FAM186B: variants seen among roughly 807,000 people sequenced by gnomAD.
FAM186B encodes family with sequence similarity 186 member B.
In FAM186B, 68 loss-of-function variants were observed where a neutral mutation model predicts 83.4. The ratio of observed to expected loss-of-function variants is 0.81; its 90% CI spans 0.67 to 1.00. The LOEUF (loss-of-function observed/expected upper bound fraction) is 1.00. Ranked by LOEUF, FAM186B falls within the 50% of genes least tolerant of loss-of-function variation. The probability of loss-of-function intolerance (pLI) is 0.00; values close to 1 mark genes in which losing one functional copy is unlikely to be tolerated. For synonymous variants in FAM186B, 389 were observed against 422.0 expected, an observed-to-expected ratio of 0.92 and a Z score of 0.96; for missense variants, 983 against 1,099.2, an observed-to-expected ratio of 0.89 and a Z score of 1.49.
chr12:49,617,500 C>T, the FAM186B span, among the ~76,000 whole-genome samples: 4 of 152,106 alleles, frequency 2.6e-5, no homozygotes, highest in Non-Finnish European at 5.9e-5. Flanking sequence ...GCCGAGACCA[C>T]ACCACTGCAC....
At chr12:49,612,284 G>A in the FAM186B span, among the ~76,000 whole-genome samples, 3 of 151,300 alleles carry the variant, frequency 2.0e-5, no homozygotes, top group African/African-American at 7.3e-5. Flanking sequence ...ATAAAGGGTT[G>A]AAGAAAGATC....
chr12:49,587,582 T>C lies in FAM186B; in HGVS notation c.*23A>G. ...CGCACCTTACTGGGCCTTCAGGAAG[T>C]TCAGGCTTTTGTGGCAGGAGGACTA... is the stretch of plus-strand genomic sequence containing the variant. On this transcript the variant is annotated 3_prime_UTR_variant, in exon 7 of 7. Transcript: ENST00000257894. The C allele has an allele frequency of 1.2e-6, 2 of 1,614,020 alleles. No individual in the cohort carries two copies. Among genetic ancestry groups the C allele is most frequent in the African/African-American group, 1.3e-5 (1 of 75,002 alleles).
Position 49,600,104 on chromosome 12 carries a change from C to T in FAM186B, c.1536G>A (p.Gln512=). The change falls in exon 4 of 7, where the codon CAG becomes CAA. Residue 512 remains glutamine, a synonymous_variant. Transcript: ENST00000257894. This position sits in a 1 kb window ranked among gnomAD's most constrained non-coding sequence, Gnocchi z 4.3. ...QRQKKWALLE[Q]EHQEKLRQWN... ...ACTGCCGCAGCTTCTCCTGATGCTC[C>T]TGCTCCAGCAGGGCCCACTTCTTCT... 2.5e-6 allele frequency: 4 copies of T among 1,612,292 alleles called. No homozygotes were observed. The highest frequency in any genetic ancestry group is 3.4e-6 in the Non-Finnish European group (4 of 1,179,078).
the FAM186B span, among the ~76,000 whole-genome samples, chr12:49,621,862 T>C: frequency 6.6e-6 from 1 of 152,036 alleles, no homozygotes; most frequent in African/African-American, 2.4e-5. Flanking sequence ...AGGCCGGAGA[T>C]GTGAAGGTAA....
In FAM186B at chr12:49,598,961, A is replaced by G; in HGVS notation, c.2172-14T>C. 1 of 1,612,846 alleles carries G rather than the reference A, an allele frequency of 6.2e-7. No individual in the cohort carries two copies. Among genetic ancestry groups the G allele is most frequent in the Non-Finnish European group, 8.5e-7 (1 of 1,179,360 alleles). Reference sequence around the variant, plus strand: ...ATCGCTTCTTGCCTGGGAAAAGAGGAGAAGCAATTTAGGGGGTGGAGAGGC... The same window carrying G: ...ATCGCTTCTTGCCTGGGAAAAGAGGGGAAGCAATTTAGGGGGTGGAGAGGC... On this transcript the variant is annotated splice_polypyrimidine_tract_variant and intron_variant, in intron 4 of 6. Coordinates refer to ENST00000257894, the MANE Select transcript of FAM186B (RefSeq NM_032130.3).
the FAM186B span, chr12:49,619,623 G>T: frequency 3.9e-6 from 2 of 515,256 alleles, no homozygotes; most frequent in South Asian, 2.0e-5. Context: ...TAGAAGAAAT[G>T]CTATCTTGGT....
upstream of FAM186B, among the ~76,000 whole-genome samples, chr12:49,610,518 T>C (rs1940072877): frequency 6.6e-6 from 1 of 152,084 alleles, no homozygotes; most frequent in African/African-American, 2.4e-5. Flanking sequence ...AGGCTGGGCG[T>C]GGTGGCTCAC....
rs200799283 is a variant in FAM186B at position 49,599,869 on chromosome 12, T to A, written c.1771A>T (p.Arg591Trp). 587 of 1,608,498 alleles carry A rather than the reference T, an allele frequency of 3.6e-4. 1 individual carries two copies. The highest frequency in any genetic ancestry group is 4.8e-4 in the Non-Finnish European group (560 of 1,176,918). The change falls in exon 4 of 7, where the codon AGG becomes TGG. Residue 591 changes from arginine to tryptophan, a missense_variant. By Grantham distance (101) the Arg-to-Trp change is moderately radical. Coordinates refer to ENST00000257894, the MANE Select transcript of FAM186B (RefSeq NM_032130.3). The stretch of plus-strand genomic sequence containing the variant: ...CTAGGAGACATGGGCAAGTGTGGCC[T>A]CCTGCTTTGGTGAGCAGATTGGGTC... ...SRTQSAHQSR[R>W]PHLPMSPSTQ... is the part of the protein sequence containing the mutation.
rs1326942602 is a variant in FAM186B, at chr12:49,599,528, C to T, written c.2112G>A (p.Ala704=). The T allele has an allele frequency of 1.6e-5, 25 of 1,597,922 alleles. No homozygotes were observed. Among genetic ancestry groups the T allele is most frequent in the East Asian group, 4.5e-5 (2 of 44,794 alleles). Residue 704 remains alanine, a synonymous_variant, in exon 4 of 7, where the codon GCG becomes GCA. Coordinates refer to ENST00000257894, the MANE Select transcript of FAM186B (RefSeq NM_032130.3). ...TATGGCACAGGTACTGCAGCCTGAGCGCGCCCAGCTCCATGGTGGTGGTGG... is the reference window on the plus strand; with the variant it reads ...TATGGCACAGGTACTGCAGCCTGAGTGCGCCCAGCTCCATGGTGGTGGTGG... The part of the protein sequence containing the change: ...ELTTTTMELG[A]LRLQYLCHKY...
downstream of FAM186B, among the ~76,000 whole-genome samples, chr12:49,586,050 G>C (rs1939436483): frequency 1.3e-5 from 2 of 152,198 alleles, no homozygotes; most frequent in African/African-American, 4.8e-5. Flanking sequence ...CTGGGATGTG[G>C]GTAAAGAAGA....
intron 2 of FAM186B, 34 bp from the exon 3 acceptor site, chr12:49,603,401 AGTCT>A: frequency 6.2e-7 from 1 of 1,610,618 alleles, no homozygotes; most frequent in Non-Finnish European, 8.5e-7. Context: ...GGCTGAGAGC[AGTCT>A]GTCCTCCAGG....
chr12:49,606,136 C>G (rs929118628), upstream of FAM186B, among the ~76,000 whole-genome samples: 1 of 152,126 alleles, frequency 6.6e-6, no homozygotes, highest in East Asian at 1.9e-4. Context: ...TAAGAAAAAG[C>G]AATTAGCAAA....
chr12:49,605,952 C>T (rs1158393733), upstream of FAM186B, among the ~76,000 whole-genome samples: 4 of 151,414 alleles, frequency 2.6e-5, no homozygotes, highest in Non-Finnish European at 5.9e-5. Context: ...TTAGTAAAGA[C>T]GGGGTTTCAC....
At chr12:49,599,165 G>T (rs1043826578) in intron 4 of FAM186B, among the ~76,000 whole-genome samples, 2 of 152,102 alleles carry the variant, frequency 1.3e-5, no homozygotes, top group African/African-American at 4.8e-5. Flanking sequence ...GGAAAGACAG[G>T]GGAGCACATT....
upstream of FAM186B, among the ~76,000 whole-genome samples, chr12:49,606,285 G>A (rs1177708755): frequency 1.3e-5 from 2 of 152,018 alleles, no homozygotes; most frequent in Non-Finnish European, 2.9e-5. Flanking sequence ...CTTGAGCCCA[G>A]GAGTTTGAGA....
upstream of FAM186B, among the ~76,000 whole-genome samples, chr12:49,610,112 C>A (rs757295729): frequency 6.6e-6 from 1 of 151,548 alleles, no homozygotes; most frequent in Non-Finnish European, 1.5e-5. Context: ...GTCATTACCC[C>A]CTAGGCAGGG....
At chr12:49,621,033 C>CA in the FAM186B span, among the ~76,000 whole-genome samples, 1 of 151,306 alleles carries the variant, frequency 6.6e-6, no homozygotes, top group African/African-American at 2.4e-5. Context: ...GTGACCATGT[C>CA]AAAAAAATAA....
the FAM186B span, among the ~76,000 whole-genome samples, chr12:49,615,164 T>TAC: frequency 2.0e-5 from 3 of 151,934 alleles, no homozygotes; most frequent in Non-Finnish European, 2.9e-5. Flanking sequence ...GGGTACAGTG[T>TAC]ACACTGCTCA....
At position 49,599,708 on chromosome 12, in the gene FAM186B, C is replaced by T. The variant is rs1211532254; in HGVS notation, c.1932G>A (p.Arg644=). ...SFPVTGTSIR[R]LTWPSLQISP... Reference sequence around the variant, plus strand: ...ATATCTGCAAAGAGGGCCAGGTCAGCCTTCGGATGGATGTCCCAGTGACAG... The same window carrying T: ...ATATCTGCAAAGAGGGCCAGGTCAGTCTTCGGATGGATGTCCCAGTGACAG... Residue 644 remains arginine, a synonymous_variant, in exon 4 of 7, where the codon AGG becomes AGA. Transcript: ENST00000257894. The T allele has an allele frequency of 6.2e-7, 1 of 1,612,958 alleles. No individual in the cohort carries two copies. Among genetic ancestry groups the T allele is most frequent in the Non-Finnish European group, 8.5e-7 (1 of 1,179,530 alleles).
Sources: allele counts gnomAD v4.1 joint callset (sites outside exome capture counted in the v4.1 genomes callset), GRCh38; gene constraint gnomAD v4.1.1; non-coding constraint Gnocchi (gnomAD v3.1); transcripts MANE v1.5; gene names NCBI Gene and HGNC (gene_info 2026-07-23, HGNC 2026-07-21).